PTPRG: variants seen among roughly 807,000 people sequenced by gnomAD.
PTPRG encodes the protein receptor-type tyrosine-protein phosphatase gamma.
PTPRG carries 102 observed loss-of-function variants against 165.3 expected under a neutral mutation model. The ratio of observed to expected loss-of-function variants is 0.62; its 90% confidence interval spans 0.53 to 0.73. PTPRG has a LOEUF of 0.73. PTPRG is among the 30% of genes least tolerant of loss of function. The pLI, the probability that PTPRG is intolerant of heterozygous loss-of-function variation, is 0.00. For synonymous variants in PTPRG, 675 were observed against 669.5 expected, an observed-to-expected ratio of 1.01 and a Z score of -0.13; for missense variants, 1,866 against 1,861.4, an observed-to-expected ratio of 1.00 and a Z score of -0.05.
At chr3:62,094,276 GA>G (rs1702037326) in intron 5 of PTPRG, among the ~76,000 whole-genome samples, 1 of 152,102 alleles carries the variant, frequency 6.6e-6, no homozygotes, top group Non-Finnish European at 1.5e-5. Flanking sequence ...AAAGAGTGTG[GA>G]TCTAGGGTAG....
In PTPRG at chr3:61,879,471, G is replaced by T. The variant is rs570141820; in HGVS notation, c.191-110154G>T. 1.3e-4 allele frequency among the ~76,000 whole-genome samples: 20 copies of T among 151,802 alleles called. No homozygotes were observed. In the South Asian group the frequency reaches 1.5e-3, roughly 11 times the overall value. ...TATTCCTAAATATTTTATTCTTTTT[G>T]ATTTTTTTTAAACGAAATTGTTTTC... is the stretch of plus-strand genomic sequence containing the variant. On this transcript the variant is annotated intron_variant, in intron 2 of 29. Coordinates refer to ENST00000474889, the MANE Select transcript of PTPRG (RefSeq NM_002841.4).
intron 2 of PTPRG, among the ~76,000 whole-genome samples, chr3:61,812,557 A>G (rs752345530): frequency 6.6e-6 from 1 of 152,220 alleles, no homozygotes; most frequent in Non-Finnish European, 1.5e-5. Context: ...AGATTATTTG[A>G]AACAGAAATG....
intron 1 of PTPRG, among the ~76,000 whole-genome samples, chr3:61,632,809 C>T (rs1701804682): frequency 6.6e-6 from 1 of 152,160 alleles, no homozygotes; most frequent in East Asian, 1.9e-4. Flanking sequence ...CTTCATCCCC[C>T]TCCCCTCCCT....
chr3:61,905,170 G>T (rs1167985605), intron 2 of PTPRG, among the ~76,000 whole-genome samples: 1 of 152,148 alleles, frequency 6.6e-6, no homozygotes, highest in Non-Finnish European at 1.5e-5. Flanking sequence ...TGCCGATACA[G>T]GTTATATTAC....
At chr3:61,844,845 T>G (rs1460096080) in intron 2 of PTPRG, among the ~76,000 whole-genome samples, 2 of 152,152 alleles carry the variant, frequency 1.3e-5, no homozygotes, top group South Asian at 4.1e-4. Flanking sequence ...CCCTAGTTTC[T>G]AGAACAATTT....
intron 6 of PTPRG, among the ~76,000 whole-genome samples, chr3:62,134,116 A>G (rs1703618445): frequency 6.6e-6 from 1 of 152,190 alleles, no homozygotes; most frequent in Admixed American, 6.5e-5. Flanking sequence ...TTAGCATTTC[A>G]ACATAGGAAT....
chr3:61,714,821 A>T (rs1323509044), intron 1 of PTPRG, among the ~76,000 whole-genome samples: 2 of 152,176 alleles, frequency 1.3e-5, no homozygotes, highest in African/African-American at 4.8e-5. Flanking sequence ...TGGTAGAGAG[A>T]AGTTACAAGT....
chr3:62,171,302 A>G (rs1174922733), intron 8 of PTPRG, among the ~76,000 whole-genome samples: 1 of 152,190 alleles, frequency 6.6e-6, no homozygotes, highest in Non-Finnish European at 1.5e-5. Flanking sequence ...TAGAGTACAC[A>G]TATTTTCAGG....
intron 2 of PTPRG, among the ~76,000 whole-genome samples, chr3:61,840,711 G>T (rs2036602380): frequency 6.6e-6 from 1 of 150,912 alleles, no homozygotes; most frequent in African/African-American, 2.4e-5. Flanking sequence ...GTCATGTGGA[G>T]ACAAACAATG....
intron 1 of PTPRG, among the ~76,000 whole-genome samples, chr3:61,665,888 G>T (rs934320668): frequency 1.3e-5 from 2 of 152,038 alleles, no homozygotes; most frequent in African/African-American, 4.8e-5. Context: ...CTTTTAGTTG[G>T]AATTTTATGT....
chr3:62,258,021 G>A (rs1332823140), intron 16 of PTPRG, among the ~76,000 whole-genome samples: 1 of 152,058 alleles, frequency 6.6e-6, no homozygotes, highest in African/African-American at 2.4e-5. Flanking sequence ...GTCAGAAGGA[G>A]AAATAAGGAA....
At position 62,289,139 on chromosome 3, in the gene PTPRG, G is replaced by T. The variant is rs116762562; in HGVS notation, c.4056-3282G>T. Among the ~76,000 whole-genome samples, 760 of 152,296 alleles carry T rather than the reference G, an allele frequency of 5.0e-3. 9 individuals carry two copies. Among genetic ancestry groups the T allele is most frequent in the African/African-American group, 0.018 (745 of 41,568 alleles). On this transcript the variant is annotated intron_variant, in intron 28 of 29. Coordinates refer to ENST00000474889, the MANE Select transcript of PTPRG (RefSeq NM_002841.4). ...TAGTCTCACTATGCGATCTTGGCCA[G>T]TTACTTCACCTGAATGTGCCTTATT...
intron 2 of PTPRG, among the ~76,000 whole-genome samples, chr3:61,798,150 C>T (rs2035112921): frequency 6.6e-6 from 1 of 152,156 alleles, no homozygotes; most frequent in African/African-American, 2.4e-5. Context: ...AACTCTCTTT[C>T]CACAAAGATT....
intron 2 of PTPRG, among the ~76,000 whole-genome samples, chr3:61,958,266 A>G (rs2040078467): frequency 6.6e-6 from 1 of 152,068 alleles, no homozygotes; most frequent in South Asian, 2.1e-4. Flanking sequence ...AGCTGGGACT[A>G]TAGCTTCGTG....
intron 2 of PTPRG, among the ~76,000 whole-genome samples, chr3:61,835,501 T>A (rs553061212): frequency 6.6e-6 from 1 of 152,124 alleles, no homozygotes; most frequent in South Asian, 2.1e-4. Flanking sequence ...ACCTGGCTAA[T>A]TTTTGTATTC....
intron 4 of PTPRG, among the ~76,000 whole-genome samples, chr3:62,022,075 T>G (rs1264658294): frequency 6.6e-6 from 1 of 152,198 alleles, no homozygotes; most frequent in African/African-American, 2.4e-5. Context: ...ATTACTGGTC[T>G]CATGAATTTC....
At chr3:62,277,831 C>T (rs1702283558) in intron 26 of PTPRG, 152 bp downstream of exon 26, 2 of 913,694 alleles carry the variant, frequency 2.2e-6, no homozygotes, top group Admixed American at 2.8e-5. Flanking sequence ...GTGGAGATTC[C>T]TTTCATAGTC....
chr3:61,885,996 C>T (rs889223316), intron 2 of PTPRG, among the ~76,000 whole-genome samples: 2 of 151,744 alleles, frequency 1.3e-5, no homozygotes, highest in African/African-American at 4.8e-5. Flanking sequence ...GAAGACACCA[C>T]ATGCACACAC....
intron 2 of PTPRG, among the ~76,000 whole-genome samples, chr3:61,988,325 C>T (rs2040808232): frequency 6.6e-6 from 1 of 152,126 alleles, no homozygotes; most frequent in African/African-American, 2.4e-5. Flanking sequence ...CTGTGATTGT[C>T]CCATTTTTCT....
Sources: gnomAD v4.1 joint callset for allele counts (sites outside exome capture counted in the v4.1 genomes callset) on GRCh38, gnomAD v4.1.1 for gene constraint, MANE v1.5 for transcripts, NCBI Gene and HGNC (gene_info 2026-07-23, HGNC 2026-07-21) for gene names.